DHX32: variants seen among roughly 807,000 people sequenced by gnomAD.
DHX32 encodes DEAH-box helicase 32 (putative).
DHX32 carries 51 observed loss-of-function variants against 70.0 expected under a neutral mutation model. The ratio of observed to expected loss-of-function variants is 0.73; its 90% confidence interval spans 0.58 to 0.92. The LOEUF (loss-of-function observed/expected upper bound fraction) is 0.92, where lower values mean the gene tolerates loss of function less well. Among genes scored for constraint, DHX32 ranks in the 40% least tolerant of loss-of-function variants. DHX32 has a pLI of 0.00. For missense variants in DHX32, 762 were observed against 891.8 expected (o/e 0.85, Z 1.85); for synonymous variants, 310 against 315.3 (o/e 0.98, Z 0.18).
At chr10:125,843,607 G>A (rs1371010279) in intron 6 of DHX32, among the ~76,000 whole-genome samples, 4 of 150,552 alleles carry the variant, frequency 2.7e-5, no homozygotes, top group African/African-American at 4.9e-5. Context: ...GCGAGACTCC[G>A]TCTCAAAAAA....
intron 2 of DHX32, among the ~76,000 whole-genome samples, chr10:125,865,633 G>T (rs961474637): frequency 1.3e-5 from 2 of 152,148 alleles, no homozygotes; most frequent in African/African-American, 4.8e-5. Context: ...GGACTCAAGT[G>T]ATCTTTCCGC....
chr10:125,853,212 C>T (rs754281648), intron 4 of DHX32: 2 of 1,611,842 alleles, frequency 1.2e-6, no homozygotes, highest in Admixed American at 1.7e-5. Context: ...TTCCAGGGAA[C>T]CTTCATGACT....
intron 1 of DHX32, among the ~76,000 whole-genome samples, chr10:125,887,411 G>A (rs981177484): frequency 3.3e-5 from 5 of 152,198 alleles, no homozygotes; most frequent in African/African-American, 1.2e-4. Flanking sequence ...CCTAATTGCA[G>A]AGAAAGACTT....
At chr10:125,862,203 G>A (rs1402812421) in intron 2 of DHX32, among the ~76,000 whole-genome samples, 2 of 152,090 alleles carry the variant, frequency 1.3e-5, no homozygotes, top group Non-Finnish European at 2.9e-5. Flanking sequence ...TTGCTTCCTT[G>A]GCCTTGTAGT....
rs761117867 is a variant in DHX32 at position 125,852,267 on chromosome 10, T to C, written c.1351+26A>G. The stretch of plus-strand genomic sequence containing the variant: ...AGAAGGTGAATCTCAGCCTAATGCC[T>C]GGCTGACATGGGAGCATAAGGCTAC... On this transcript the variant is annotated intron_variant, in intron 6 of 10. Transcript: ENST00000284690. 5.0e-6 allele frequency: 8 copies of C among 1,609,350 alleles called. No individual in the cohort carries two copies. The Admixed American group carries it at 1.3e-4, about 27-fold the overall frequency.
At position 125,867,009 on chromosome 10, in the gene DHX32, T is replaced by C. The variant is rs1944224325; in HGVS notation, c.457A>G (p.Thr153Ala). 2.5e-6 allele frequency: 4 copies of C among 1,613,950 alleles called. No homozygotes were observed. The highest frequency in any genetic ancestry group is 3.4e-6 in the Non-Finnish European group (4 of 1,179,878). Residue 153 changes from threonine (T) to alanine (A), a missense_variant, in exon 2 of 11, where the codon ACC becomes GCC. This residue lies in a region of DHX32 where 394 missense variants were observed against 473.1 expected (regional missense o/e 0.83). Transcript: ENST00000284690. ...ACCAACCTCAGGATTGTTTCGTTGG[T>C]ACAGCAGTTCTCGAAAGGGATCACG... The part of the protein sequence containing the change: ...GYVIPFENCC[T>A]NETILRYCTD...
In DHX32 at chr10:125,836,366, T is replaced by C. The variant is rs1269893632; in HGVS notation, c.*321A>G. On this transcript the variant is annotated 3_prime_UTR_variant, in exon 11 of 11. Transcript: ENST00000284690. ...CTGAAAAACTCAGACTTTATTCAGATTAAGTTCCTCTACAAAAAGTAGGGT... is the reference window on the plus strand; with the variant it reads ...CTGAAAAACTCAGACTTTATTCAGACTAAGTTCCTCTACAAAAAGTAGGGT... 8 of 1,583,546 alleles carry C rather than the reference T, an allele frequency of 5.1e-6. No individual in the cohort carries two copies. Among genetic ancestry groups the C allele is most frequent in the Non-Finnish European group, 5.1e-6 (6 of 1,166,806 alleles).
intron 1 of DHX32, among the ~76,000 whole-genome samples, chr10:125,868,931 G>A (rs185515541): frequency 1.3e-5 from 2 of 152,148 alleles, no homozygotes. Context: ...TTTGTTCCTA[G>A]TTCCCCACTA....
At position 125,852,581 on chromosome 10, in the gene DHX32, G is replaced by C; in HGVS notation, c.1154C>G (p.Ala385Gly). The stretch of plus-strand genomic sequence containing the variant: ...GCCAAGAATCTGCTTGCGTATCTCT[G>C]CCTGGCTCTGGCTGATGGGCTGCAT... ...LVMQPISQSQAEIRKQILGSS... is the reference protein window; with the variant it reads ...LVMQPISQSQGEIRKQILGSS... Residue 385 changes from alanine to glycine, a missense_variant, in exon 5 of 11, where the codon GCA (alanine) becomes GGA (glycine). By Grantham distance (60) the Ala-to-Gly change is moderately conservative. Transcript: ENST00000284690. The C allele has an allele frequency of 6.2e-7, 1 of 1,613,850 alleles. No individual in the cohort carries two copies. The highest frequency in any genetic ancestry group is 8.5e-7 in the Non-Finnish European group (1 of 1,179,920).
At chr10:125,892,663 G>C (rs1458676706) in intron 1 of DHX32, among the ~76,000 whole-genome samples, 6 of 152,156 alleles carry the variant, frequency 3.9e-5, no homozygotes, top group African/African-American at 1.4e-4. Flanking sequence ...CAGAGCCCAG[G>C]AAGTACCTAA....
chr10:125,880,479 G>C, intron 1 of DHX32, 64 bp downstream of exon 1: 1 of 1,487,596 alleles, frequency 6.7e-7, no homozygotes, highest in Non-Finnish European at 9.0e-7. Context: ...GCTGTGACAT[G>C]TCATTAAATA....
intron 1 of DHX32, among the ~76,000 whole-genome samples, chr10:125,873,569 CA>C (rs945171318): frequency 4.6e-5 from 7 of 152,142 alleles, no homozygotes. Context: ...AAAGAACCAC[CA>C]ATTCACCCAA....
chr10:125,881,339 C>G (rs142642203), upstream of DHX32: 1 of 152,818 alleles, frequency 6.5e-6, no homozygotes, highest in Non-Finnish European at 1.5e-5. Flanking sequence ...GGCTCTGCGT[C>G]TTGATCAACT....
intron 6 of DHX32, among the ~76,000 whole-genome samples, chr10:125,848,541 G>A (rs1158839714): frequency 6.6e-6 from 1 of 152,168 alleles, no homozygotes; most frequent in Non-Finnish European, 1.5e-5. Flanking sequence ...GTTGAACCTG[G>A]CACCTGGCAT....
At chr10:125,876,626 C>T (rs953745934) in intron 1 of DHX32, among the ~76,000 whole-genome samples, 2 of 152,138 alleles carry the variant, frequency 1.3e-5, no homozygotes, top group Non-Finnish European at 2.9e-5. Flanking sequence ...AATGCAGAGC[C>T]GGAACCTAAC....
intron 1 of DHX32, 94 bp downstream of exon 1, chr10:125,880,449 C>T: frequency 7.7e-7 from 1 of 1,301,814 alleles, no homozygotes; most frequent in Non-Finnish European, 1.0e-6. Context: ...TTGTTTTAGA[C>T]ACTATTATTA....
chr10:125,850,265 A>ACCATGC (rs148995495), intron 6 of DHX32, among the ~76,000 whole-genome samples: 2,876 of 151,386 alleles, frequency 0.019, 87 homozygotes, highest in African/African-American at 0.065. Context: ...GGTGTGAGCC[A>ACCATGC]CCATGCCCAG....
At chr10:125,843,860 C>T (rs1490226570) in intron 6 of DHX32, among the ~76,000 whole-genome samples, 1 of 152,146 alleles carries the variant, frequency 6.6e-6, no homozygotes, top group African/African-American at 2.4e-5. Flanking sequence ...GCCAAACCAC[C>T]CAAGGGAAAT....
At chr10:125,896,163 C>T (rs1268429770) in intron 1 of DHX32, 22 of 163,612 alleles carry the variant, frequency 1.3e-4, no homozygotes, top group East Asian at 1.3e-3. Flanking sequence ...GCTCGGGGCG[C>T]GCCCGCCCCT....
Sources: allele counts gnomAD v4.1 joint callset (sites outside exome capture counted in the v4.1 genomes callset), GRCh38; gene constraint gnomAD v4.1.1; regional missense constraint gnomAD v4.1.1; transcripts MANE v1.5; gene names NCBI Gene and HGNC (gene_info 2026-07-23, HGNC 2026-07-21).